RBFOX1: variants seen among roughly 807,000 people sequenced by gnomAD.
The protein encoded by RBFOX1 is RNA binding protein fox-1 homolog 1.
Under a neutral mutation model 57.7 loss-of-function variants are expected in RBFOX1, and 8 were observed. The ratio of observed to expected loss-of-function variants is 0.14; its 90% CI spans 0.08 to 0.25. RBFOX1 has a LOEUF of 0.25. RBFOX1 is among the 10% of genes least tolerant of loss of function. The pLI, the probability that RBFOX1 is intolerant of heterozygous loss-of-function variation, is 1.00. For missense variants in RBFOX1, 611 were observed against 548.5 expected (o/e 1.11, Z -1.14); for synonymous variants, 326 against 222.4 (o/e 1.47, Z -4.15).
At chr16:7,441,279 G>A (rs1185843398) in intron 4 of RBFOX1, among the ~76,000 whole-genome samples, 1 of 152,172 alleles carries the variant, frequency 6.6e-6, no homozygotes, top group East Asian at 1.9e-4. Flanking sequence ...AGCATCAAAG[G>A]CCTTGGCAGT....
At chr16:7,365,441 G>A (rs2097423865) in intron 4 of RBFOX1, among the ~76,000 whole-genome samples, 1 of 152,186 alleles carries the variant, frequency 6.6e-6, no homozygotes, top group African/African-American at 2.4e-5. Context: ...TTGAATTGCT[G>A]TATTAAAATT....
At chr16:7,557,103 A>G (rs1320466954) in intron 5 of RBFOX1, among the ~76,000 whole-genome samples, 1 of 152,114 alleles carries the variant, frequency 6.6e-6, no homozygotes, top group African/African-American at 2.4e-5. Context: ...CCACAGAGCG[A>G]GTATTATAAA....
At chr16:6,404,972 A>G (rs975677909) in intron 2 of RBFOX1, among the ~76,000 whole-genome samples, 2 of 152,188 alleles carry the variant, frequency 1.3e-5, no homozygotes, top group African/African-American at 2.4e-5. Flanking sequence ...CTTCCCAAAT[A>G]TCCTTTTAGA....
At chr16:7,662,251 C>T (rs1395848257) in intron 12 of RBFOX1, among the ~76,000 whole-genome samples, 1 of 152,194 alleles carries the variant, frequency 6.6e-6, no homozygotes, top group African/African-American at 2.4e-5. Context: ...TTTCATATCT[C>T]ATGAAAAATA....
intron 1 of RBFOX1, among the ~76,000 whole-genome samples, chr16:5,454,951 CT>C (rs1567535837): frequency 1.9e-5 from 1 of 51,636 alleles, no homozygotes; most frequent in African/African-American, 6.8e-5. Flanking sequence ...TCCTTCCTTC[CT>C]TCCTTCCTTT....
intron 4 of RBFOX1, among the ~76,000 whole-genome samples, chr16:5,885,591 G>A (rs1449403354): frequency 6.6e-6 from 1 of 152,094 alleles, no homozygotes; most frequent in Non-Finnish European, 1.5e-5. Flanking sequence ...AGGGCTAATG[G>A]TCTCTGAAGA....
intron 4 of RBFOX1, among the ~76,000 whole-genome samples, chr16:7,205,516 A>G (rs1426327835): frequency 9.4e-6 from 1 of 106,836 alleles, no homozygotes; most frequent in Admixed American, 8.6e-5. Context: ...CTGTCTCAGG[A>G]AAAAAAAAAA....
chr16:5,751,783 C>A (rs763685047), intron 3 of RBFOX1, among the ~76,000 whole-genome samples: 3 of 152,186 alleles, frequency 2.0e-5, no homozygotes, highest in Admixed American at 6.5e-5. Flanking sequence ...CAAACCTCAA[C>A]TATATTAAAC....
intron 4 of RBFOX1, among the ~76,000 whole-genome samples, chr16:7,073,399 G>C (rs1271496689): frequency 3.3e-5 from 5 of 152,154 alleles, no homozygotes. Context: ...GAGCTTTACA[G>C]GGTCAAGAGC....
chr16:7,073,011 G>C (rs1006646908), intron 4 of RBFOX1, among the ~76,000 whole-genome samples: 1 of 152,206 alleles, frequency 6.6e-6, no homozygotes, highest in African/African-American at 2.4e-5. Flanking sequence ...GTCAGGCTTT[G>C]TGAGTCCTCA....
chr16:6,580,158 C>T (rs1243418274), intron 2 of RBFOX1, among the ~76,000 whole-genome samples: 1 of 151,966 alleles, frequency 6.6e-6, no homozygotes, highest in South Asian at 2.1e-4. Flanking sequence ...AGGGTTTCAC[C>T]ATGTCAGCCA....
intron 3 of RBFOX1, among the ~76,000 whole-genome samples, chr16:6,912,713 G>C (rs114342415): frequency 6.6e-6 from 1 of 151,704 alleles, no homozygotes; most frequent in Non-Finnish European, 1.5e-5. Flanking sequence ...AACCTCCTGG[G>C]CTCAAGCAAG....
intron 10 of RBFOX1, among the ~76,000 whole-genome samples, chr16:7,627,931 C>A: frequency 6.8e-6 from 1 of 147,806 alleles, no homozygotes; most frequent in Middle Eastern, 3.4e-3. Flanking sequence ...TTTTTTTTAA[C>A]TACGAAGAAA....
Position 5,394,023 on chromosome 16 carries a change from C to CT in RBFOX1, c.220-73185dup, listed in dbSNP as rs200707486. On this transcript the variant is annotated intron_variant, in intron 1 of 2. Transcript: ENST00000585867. ...TCGCTTAGCATAGCCATTTCTTTTT[C>CT]TTTTTTTTCTTTTTTTCCGAGACAG... 4.1e-3 allele frequency among the ~76,000 whole-genome samples: 624 copies of CT among 151,784 alleles called. 6 individuals carry two copies. The highest frequency in any genetic ancestry group is 0.014 in the African/African-American group (568 of 41,284).
At chr16:6,995,310 G>C (rs2092091911) in intron 3 of RBFOX1, among the ~76,000 whole-genome samples, 2 of 151,466 alleles carry the variant, frequency 1.3e-5, no homozygotes, top group Admixed American at 1.3e-4. Flanking sequence ...GTGTGTGTGT[G>C]TGTGTGTGTG....
chr16:5,728,007 G>T (rs1209057019), intron 3 of RBFOX1, among the ~76,000 whole-genome samples: 1 of 152,116 alleles, frequency 6.6e-6, no homozygotes, highest in Non-Finnish European at 1.5e-5. Context: ...GTTTCTATCA[G>T]TTCACTTCTT....
At chr16:6,952,145 C>G (rs141711499) in intron 3 of RBFOX1, among the ~76,000 whole-genome samples, 2 of 152,132 alleles carry the variant, frequency 1.3e-5, no homozygotes, top group Admixed American at 6.6e-5. Flanking sequence ...CTTCGCAGAG[C>G]ACATAGTCGT....
At chr16:5,789,123 A>T (rs1468419589) in intron 3 of RBFOX1, among the ~76,000 whole-genome samples, 1 of 152,194 alleles carries the variant, frequency 6.6e-6, no homozygotes, top group African/African-American at 2.4e-5. Context: ...ACCAAGTAAG[A>T]AGGCCTGTCT....
intron 4 of RBFOX1, among the ~76,000 whole-genome samples, chr16:7,381,581 G>GC (rs1288934434): frequency 6.6e-6 from 1 of 151,628 alleles, no homozygotes; most frequent in Non-Finnish European, 1.5e-5. Flanking sequence ...ATTTGTTTTG[G>GC]CATTGGTGCC....
Sources: gnomAD v4.1 joint callset for allele counts (sites outside exome capture counted in the v4.1 genomes callset) on GRCh38, gnomAD v4.1.1 for gene constraint, MANE v1.5 for transcripts, NCBI Gene and HGNC (gene_info 2026-07-23, HGNC 2026-07-21) for gene names.